The following MAP2K5 variants were observed in gnomAD, a reference collection of about 807,000 sequenced individuals.
MAP2K5 encodes the protein dual specificity mitogen-activated protein kinase kinase 5.
A neutral mutation model predicts 83.1 loss-of-function variants in MAP2K5; 49 were observed. The ratio of observed to expected loss-of-function variants is 0.59; its 90% CI spans 0.47 to 0.75. MAP2K5 has a LOEUF of 0.75. MAP2K5 is among the 30% of genes least tolerant of loss of function. MAP2K5 has a pLI of 0.00. For synonymous variants in MAP2K5, 202 were observed against 191.8 expected, an observed-to-expected ratio of 1.05 and a Z score of -0.44; for missense variants, 457 against 557.5, an observed-to-expected ratio of 0.82 and a Z score of 1.82.
At chr15:67,548,392 G>C (rs1286039585) in intron 1 of MAP2K5, among the ~76,000 whole-genome samples, 1 of 152,204 alleles carries the variant, frequency 6.6e-6, no homozygotes, top group African/African-American at 2.4e-5. Context: ...TGATTGTAGG[G>C]TGCTGGAATT....
intron 13 of MAP2K5, among the ~76,000 whole-genome samples, chr15:67,687,219 G>A (rs893252573): frequency 1.3e-5 from 2 of 152,210 alleles, no homozygotes; most frequent in Non-Finnish European, 2.9e-5. Context: ...AGTAAGTTAT[G>A]TTGGTCTTTT....
At chr15:67,671,748 G>A (rs1163450036) in intron 13 of MAP2K5, among the ~76,000 whole-genome samples, 1 of 150,764 alleles carries the variant, frequency 6.6e-6, no homozygotes, top group Non-Finnish European at 1.5e-5. Flanking sequence ...TGCCATGCTG[G>A]TGTGCTGCAC....
chr15:67,779,468 C>CT lies in MAP2K5; in HGVS notation c.1242+6718dup, dbSNP rs1223978071. 2.6e-5 allele frequency among the ~76,000 whole-genome samples: 4 copies of CT among 152,200 alleles called. No individual in the cohort carries two copies. Among genetic ancestry groups the CT allele is most frequent in the African/African-American group, 9.7e-5 (4 of 41,446 alleles). ...CTTTGTTTTTCCATAGATGTGACCACTTAATCTTTTCACAAGACTTTAGCA... is the reference window on the plus strand; with the variant it reads ...CTTTGTTTTTCCATAGATGTGACCACTTTAATCTTTTCACAAGACTTTAGCA... On this transcript the variant is annotated intron_variant, in intron 21 of 21. Transcript: ENST00000178640. This position sits in a 1 kb window ranked among gnomAD's most constrained non-coding sequence, Gnocchi z 4.6.
intron 7 of MAP2K5, among the ~76,000 whole-genome samples, chr15:67,594,534 C>A (rs1377487068): frequency 2.0e-5 from 3 of 152,128 alleles, no homozygotes; most frequent in Non-Finnish European, 4.4e-5. Context: ...AAATGAAAAA[C>A]AGTTTTTTCC....
At position 67,577,764 on chromosome 15, in the gene MAP2K5, G is replaced by A. The variant is rs2085095154; in HGVS notation, c.253-2990G>A. Among the ~76,000 whole-genome samples, 1 of 152,178 alleles carries A rather than the reference G, an allele frequency of 6.6e-6. No individual in the cohort carries two copies. The highest frequency in any genetic ancestry group is 2.4e-5 in the African/African-American group (1 of 41,458). On this transcript the variant is annotated intron_variant, in intron 3 of 21. Coordinates refer to ENST00000178640, the MANE Select transcript of MAP2K5 (RefSeq NM_145160.3). The surrounding 1 kb of genome is among the most constrained non-coding windows in gnomAD (Gnocchi z 4.1). ...GCCTGTAATCCCAGCACTTTGGGAG[G>A]CCAAGGCAGGTGGATCACCTGAGGT... is the stretch of plus-strand genomic sequence containing the variant.
chr15:67,636,818 T>G lies in MAP2K5; in HGVS notation c.585+5891T>G, dbSNP rs1007718456. On this transcript the variant is annotated intron_variant, in intron 9 of 21. Coordinates refer to ENST00000178640, the MANE Select transcript of MAP2K5 (RefSeq NM_145160.3). The surrounding 1 kb of genome is among the most constrained non-coding windows in gnomAD (Gnocchi z 4.7). Reference sequence around the variant, plus strand: ...GGTGTGTCTGTGAAGGTGTTAATATTCAGAGAGATTAACATTTGAGTTAAT... The same window carrying G: ...GGTGTGTCTGTGAAGGTGTTAATATGCAGAGAGATTAACATTTGAGTTAAT... Among the ~76,000 whole-genome samples the G allele has an allele frequency of 1.1e-4, 16 of 152,188 alleles. No homozygotes were observed. Among genetic ancestry groups the G allele is most frequent in the African/African-American group, 3.9e-4 (16 of 41,446 alleles).
At chr15:67,733,343 C>A (rs551242254) in intron 17 of MAP2K5, among the ~76,000 whole-genome samples, 6 of 152,022 alleles carry the variant, frequency 3.9e-5, no homozygotes, top group Non-Finnish European at 7.4e-5. Context: ...ATTCTTGTAA[C>A]GATCCAGTTT....
At chr15:67,696,061 A>G (rs2088245794) in intron 15 of MAP2K5, among the ~76,000 whole-genome samples, 1 of 150,840 alleles carries the variant, frequency 6.6e-6, no homozygotes. Flanking sequence ...AACCTATATT[A>G]TTATAGTACA....
intron 16 of MAP2K5, among the ~76,000 whole-genome samples, chr15:67,704,870 A>C (rs916405992): frequency 2.6e-5 from 4 of 152,226 alleles, no homozygotes; most frequent in Non-Finnish European, 5.9e-5. Flanking sequence ...AGTGTAAGAC[A>C]ATTGAGAAGT....
intron 1 of MAP2K5, chr15:67,546,712 A>G (rs1008127809): frequency 1.7e-5 from 10 of 572,416 alleles, no homozygotes; most frequent in African/African-American, 6.1e-5. Flanking sequence ...AGAATGCCCA[A>G]CCCTCTCCCC....
At position 67,587,068 on chromosome 15, in the gene MAP2K5, G is replaced by C. The variant is rs775008459; in HGVS notation, c.431+155G>C. On this transcript the variant is annotated intron_variant, in intron 6 of 21. Transcript: ENST00000178640. The surrounding 1 kb of genome is among the most constrained non-coding windows in gnomAD (Gnocchi z 4.8). ...CCTCATATGGAAAGATGAATGTTTA[G>C]ATTTAGACTGGGTGCTGAGAAGGCT... is the stretch of plus-strand genomic sequence containing the variant. 6.6e-6 allele frequency among the ~76,000 whole-genome samples: 1 copy of C among 152,190 alleles called. No homozygotes were observed. The highest frequency in any genetic ancestry group is 1.5e-5 in the Non-Finnish European group (1 of 68,024).
chr15:67,784,036 CT>C (rs2090372905), intron 21 of MAP2K5, among the ~76,000 whole-genome samples: 1 of 152,152 alleles, frequency 6.6e-6, no homozygotes, highest in Non-Finnish European at 1.5e-5. Context: ...GTTTTATAAT[CT>C]TTAAAAAATT....
intron 11 of MAP2K5, among the ~76,000 whole-genome samples, chr15:67,656,217 C>T (rs1318874185): frequency 1.3e-5 from 2 of 152,096 alleles, no homozygotes; most frequent in Non-Finnish European, 2.9e-5. Context: ...AAATTAAATT[C>T]TGTCAATTTG....
In MAP2K5 at chr15:67,543,222, G is replaced by T; in HGVS notation, c.-114G>T. 3.7e-6 allele frequency: 4 copies of T among 1,082,040 alleles called. No individual in the cohort carries two copies. Among genetic ancestry groups the T allele is most frequent in the Middle Eastern group, 2.6e-4 (1 of 3,912 alleles). The allele number at this position is 1,082,040 out of a possible 1,614,324, so 67.0% of individuals were successfully genotyped here. Reference sequence around the variant, plus strand: ...CCTCCCCCTCATCCTCCATTCCCTTGTTTTCACCCTCTGTCCTCTGCCCGT... The same window carrying T: ...CCTCCCCCTCATCCTCCATTCCCTTTTTTTCACCCTCTGTCCTCTGCCCGT... On this transcript the variant is annotated 5_prime_UTR_variant, in exon 1 of 22. Coordinates refer to ENST00000178640, the MANE Select transcript of MAP2K5 (RefSeq NM_145160.3). This position sits in a 1 kb window ranked among gnomAD's most constrained non-coding sequence, Gnocchi z 4.3.
intron 8 of MAP2K5, among the ~76,000 whole-genome samples, chr15:67,618,839 G>A (rs541488779): frequency 1.6e-4 from 25 of 152,158 alleles, no homozygotes; most frequent in African/African-American, 5.8e-4. Flanking sequence ...GGATTTTACT[G>A]CAAAAGCCTC....
At chr15:67,754,903 AAGAC>A (rs1385132557) in intron 19 of MAP2K5, among the ~76,000 whole-genome samples, 2 of 152,202 alleles carry the variant, frequency 1.3e-5, no homozygotes, top group Admixed American at 1.3e-4. Context: ...ATTTTTTTCT[AAGAC>A]AGTTCTGTTG....
intron 16 of MAP2K5, among the ~76,000 whole-genome samples, chr15:67,711,861 C>G (rs548754997): frequency 2.0e-5 from 3 of 152,126 alleles, no homozygotes; most frequent in African/African-American, 7.2e-5. Flanking sequence ...ATATGTGGAG[C>G]CAGGAGTCAA....
In MAP2K5 at chr15:67,693,540, C is replaced by T. The variant is rs764081010; in HGVS notation, c.944C>T (p.Thr315Met). The T allele has an allele frequency of 6.2e-7, 1 of 1,611,676 alleles. No individual in the cohort carries two copies. The highest frequency in any genetic ancestry group is 8.5e-7 in the Non-Finnish European group (1 of 1,178,576). The stretch of plus-strand genomic sequence containing the variant: ...TAGCTGGTGAATTCTATAGCCAAGA[C>T]GTATGTTGGAACAAATGCTTATATG... ...STQLVNSIAK[T>M]YVGTNAYMAP... Residue 315 changes from threonine to methionine, a missense_variant, in exon 15 of 22, where the codon ACG (threonine) becomes ATG (methionine). This residue lies in a region of MAP2K5 where 168 missense variants were observed against 263.0 expected (regional missense o/e 0.64). Coordinates refer to ENST00000178640, the MANE Select transcript of MAP2K5 (RefSeq NM_145160.3).
chr15:67,612,097 C>A (rs2085937725), intron 8 of MAP2K5, among the ~76,000 whole-genome samples: 1 of 146,350 alleles, frequency 6.8e-6, no homozygotes. Flanking sequence ...TTTTTCACTG[C>A]CATGATTTTG....
Sources: gnomAD v4.1 joint callset for allele counts (sites outside exome capture counted in the v4.1 genomes callset) on GRCh38, gnomAD v4.1.1 for gene constraint, gnomAD v4.1.1 regional missense constraint, Gnocchi (gnomAD v3.1) non-coding constraint, MANE v1.5 for transcripts, NCBI Gene and HGNC (gene_info 2026-07-23, HGNC 2026-07-21) for gene names.